Variants in TASP1 observed in about 807,000 individuals in gnomAD.
The protein encoded by TASP1 is threonine aspartase 1.
A neutral mutation model predicts 56.6 loss-of-function variants in TASP1; 16 were observed. The ratio of observed to expected loss-of-function variants is 0.28; its 90% CI spans 0.19 to 0.43. TASP1 has a LOEUF of 0.43. Among genes scored for constraint, TASP1 ranks in the 20% least tolerant of loss-of-function variants. The pLI, the probability that TASP1 is intolerant of heterozygous loss-of-function variation, is 1.00. For synonymous variants in TASP1, 179 were observed against 184.2 expected (o/e 0.97, Z 0.23); for missense variants, 393 against 511.6 (o/e 0.77, Z 2.24).
chr20:13,244,386 G>GAAAAAA, the TASP1 span: 1 of 86,172 alleles, frequency 1.2e-5, no homozygotes. Flanking sequence ...GATGTCCTAT[G>GAAAAAA]CAAAAAAAAA....
chr20:13,174,784 G>A, the TASP1 span, among the ~76,000 whole-genome samples: 1 of 151,724 alleles, frequency 6.6e-6, no homozygotes, highest in Non-Finnish European at 1.5e-5. Context: ...CATTAAAAAT[G>A]TACAGGTCTC....
At chr20:13,229,453 T>C in the TASP1 span, among the ~76,000 whole-genome samples, 8 of 152,252 alleles carry the variant, frequency 5.3e-5, no homozygotes, top group African/African-American at 1.7e-4. Context: ...CTGGCTTCTC[T>C]CATTAAACTA....
the TASP1 span, chr20:13,239,027 G>C: frequency 6.6e-6 from 1 of 152,210 alleles, no homozygotes; most frequent in Non-Finnish European, 1.5e-5. Context: ...TGTGAAGTGT[G>C]ATGGTGGCAC....
chr20:13,439,345 T>C (rs931063376), intron 11 of TASP1, among the ~76,000 whole-genome samples: 2 of 152,220 alleles, frequency 1.3e-5, no homozygotes, highest in African/African-American at 2.4e-5. Flanking sequence ...GATGAGTTCA[T>C]GTCCTTTGCA....
intron 13 of TASP1, among the ~76,000 whole-genome samples, chr20:13,405,206 G>T (rs1477731082): frequency 6.6e-6 from 1 of 152,162 alleles, no homozygotes. Flanking sequence ...TAGATATTGT[G>T]TGCTTTTAGT....
At chr20:13,197,089 T>C in the TASP1 span, among the ~76,000 whole-genome samples, 2 of 152,194 alleles carry the variant, frequency 1.3e-5, no homozygotes, top group Admixed American at 1.3e-4. Flanking sequence ...CTCATTTGAG[T>C]GTCACCAGGT....
chr20:13,355,693 G>A, the TASP1 span, among the ~76,000 whole-genome samples: 1 of 152,190 alleles, frequency 6.6e-6, no homozygotes, highest in African/African-American at 2.4e-5. Flanking sequence ...TGATGGCAAA[G>A]GTGCCTTTGG....
intron 8 of TASP1, among the ~76,000 whole-genome samples, chr20:13,539,323 G>GA (rs796179829): frequency 5.9e-5 from 9 of 152,026 alleles, no homozygotes; most frequent in African/African-American, 2.2e-4. Context: ...AGAGCAAGAG[G>GA]AAAAAAATGT....
chr20:13,333,603 C>T, the TASP1 span, among the ~76,000 whole-genome samples: 4 of 152,254 alleles, frequency 2.6e-5, no homozygotes, highest in East Asian at 3.9e-4. Context: ...ACCTAAGCTA[C>T]GATGTTCAAA....
the TASP1 span, chr20:13,153,926 T>C: frequency 6.4e-7 from 1 of 1,571,264 alleles, no homozygotes; most frequent in Non-Finnish European, 8.6e-7. Flanking sequence ...GACTTAAAGA[T>C]GCTTGCCAAG....
At chr20:13,236,763 G>A in the TASP1 span, among the ~76,000 whole-genome samples, 1 of 152,172 alleles carries the variant, frequency 6.6e-6, no homozygotes, top group Non-Finnish European at 1.5e-5. Context: ...AATCCAGCAG[G>A]GCAGTTAAAT....
chr20:13,189,127 G>A, the TASP1 span, among the ~76,000 whole-genome samples: 8 of 152,172 alleles, frequency 5.3e-5, no homozygotes, highest in East Asian at 3.8e-4. Flanking sequence ...CCAGATTTGC[G>A]AATCGCTTAT....
At chr20:13,184,420 C>T in the TASP1 span, among the ~76,000 whole-genome samples, 4 of 152,064 alleles carry the variant, frequency 2.6e-5, no homozygotes, top group African/African-American at 9.7e-5. Flanking sequence ...CTTCAATTGT[C>T]CATAAGCTAT....
the TASP1 span, among the ~76,000 whole-genome samples, chr20:13,279,184 G>C: frequency 6.6e-6 from 1 of 152,172 alleles, no homozygotes; most frequent in Non-Finnish European, 1.5e-5. Flanking sequence ...TACAGAGTTT[G>C]TGTTCATAAA....
chr20:13,235,935 T>TTC, the TASP1 span, among the ~76,000 whole-genome samples: 1 of 151,620 alleles, frequency 6.6e-6, no homozygotes, highest in Admixed American at 6.6e-5. Flanking sequence ...CCCTTTTTTC[T>TTC]TTTTTTTGAA....
the TASP1 span, among the ~76,000 whole-genome samples, chr20:13,268,150 T>C: frequency 2.1e-5 from 3 of 141,508 alleles, no homozygotes; most frequent in African/African-American, 5.3e-5. Context: ...TCTTCTCTTC[T>C]CTTCCCTTCC....
chr20:13,380,774 C>A, the TASP1 span, among the ~76,000 whole-genome samples: 23 of 152,130 alleles, frequency 1.5e-4, no homozygotes, highest in Admixed American at 1.5e-3. Context: ...GATGCCCTGC[C>A]CAGAGAGGAG....
At chr20:13,496,196 G>C (rs2146603878) in intron 10 of TASP1, among the ~76,000 whole-genome samples, 1 of 152,202 alleles carries the variant, frequency 6.6e-6, no homozygotes, top group South Asian at 2.1e-4. Context: ...TGGGATTACA[G>C]GTGCCTGCCA....
intron 2 of TASP1, among the ~76,000 whole-genome samples, chr20:13,629,419 G>A (rs2049010260): frequency 6.7e-6 from 1 of 149,890 alleles, no homozygotes; most frequent in East Asian, 1.9e-4. Context: ...TAATAATTAT[G>A]CCCTAAGATA....
Sources: gnomAD v4.1 joint callset for allele counts (sites outside exome capture counted in the v4.1 genomes callset) on GRCh38, gnomAD v4.1.1 for gene constraint, MANE v1.5 for transcripts, NCBI Gene and HGNC (gene_info 2026-07-23, HGNC 2026-07-21) for gene names.